Variants in DAPP1 observed in about 807,000 individuals in gnomAD.
DAPP1 encodes the protein dual adapter for phosphotyrosine and 3-phosphotyrosine and 3-phosphoinositide.
Under a neutral mutation model 41.5 loss-of-function variants are expected in DAPP1, and 20 were observed. That is an observed-to-expected ratio of 0.48 (90% CI 0.34 to 0.70). The LOEUF is 0.70. Among genes scored for constraint, DAPP1 ranks in the 30% least tolerant of loss-of-function variants. The pLI is 0.01. For synonymous variants in DAPP1, 113 were observed against 116.2 expected, an observed-to-expected ratio of 0.97 and a Z score of 0.18; for missense variants, 233 against 333.4, an observed-to-expected ratio of 0.70 and a Z score of 2.35.
At chr4:99,831,898 T>C (rs1202598583) in intron 1 of DAPP1, among the ~76,000 whole-genome samples, 2 of 152,194 alleles carry the variant, frequency 1.3e-5, no homozygotes, top group Non-Finnish European at 2.9e-5. Context: ...AACACATACT[T>C]TATCTTCTTT....
intron 1 of DAPP1, among the ~76,000 whole-genome samples, chr4:99,832,915 A>C (rs976986846): frequency 7.2e-5 from 11 of 152,262 alleles, no homozygotes; most frequent in African/African-American, 2.4e-4. Context: ...ATGTAAGAAG[A>C]ATTCTATAAA....
intron 7 of DAPP1, 92 bp downstream of exon 7, chr4:99,863,947 T>C: frequency 2.4e-6 from 2 of 846,746 alleles, no homozygotes; most frequent in Non-Finnish European, 1.9e-6. Flanking sequence ...TCTTAATGTC[T>C]ACAAAGATCA....
At chr4:99,825,377 C>G (rs1176584351) in intron 1 of DAPP1, among the ~76,000 whole-genome samples, 2 of 152,150 alleles carry the variant, frequency 1.3e-5, no homozygotes, top group African/African-American at 4.8e-5. Flanking sequence ...ACAGGTTCAT[C>G]CTGATCTCAA....
Position 99,835,632 on chromosome 4 carries a change from C to T in DAPP1, c.111C>T (p.His37=), listed in dbSNP as rs200535024. 170 of 1,613,094 alleles carry T rather than the reference C, an allele frequency of 1.1e-4. No individual in the cohort carries two copies. The highest frequency in any genetic ancestry group is 7.7e-5 in the South Asian group (7 of 91,042). The change falls in exon 2 of 9, where the codon CAC becomes CAT. Residue 37 remains histidine, a synonymous_variant. Transcript: ENST00000512369. The part of the protein sequence containing the change: ...AELLQDLGWY[H]GNLTRHAAEA... ...GTTCCCTCCTTTCTAGGTGGTATCA[C>T]GGCAACCTCACACGCCATGCTGCTG...
At chr4:99,868,019 A>G in intron 8 of DAPP1, 98 bp from the exon 9 acceptor site, 1 of 1,049,418 alleles carries the variant, frequency 9.5e-7, no homozygotes, top group Non-Finnish European at 1.5e-6. Flanking sequence ...GTTGTATGAC[A>G]TCCTTACTAA....
intron 1 of DAPP1, 48 bp downstream of exon 1, chr4:99,817,062 C>T (rs753892617): frequency 7.3e-7 from 1 of 1,372,078 alleles, no homozygotes; most frequent in Non-Finnish European, 1.0e-6. Flanking sequence ...TGGACATTGA[C>T]TCCGCACTCC....
intron 8 of DAPP1, chr4:99,866,676 A>C: frequency 1.3e-6 from 1 of 749,662 alleles, no homozygotes; most frequent in South Asian, 1.4e-5. Flanking sequence ...CTTGCAAGTT[A>C]GTGAGTTCTT....
At chr4:99,853,481 G>A (rs17029601) in intron 4 of DAPP1, 133 bp downstream of exon 4, 40,391 of 1,255,136 alleles carry the variant, frequency 0.032, 721 homozygotes, top group African/African-American at 0.057. Context: ...AGGAATGTGA[G>A]ATTTGAAGCC....
chr4:99,835,511 G>A (rs559601516), intron 1 of DAPP1, 112 bp from the exon 2 acceptor site: 1 of 1,473,244 alleles, frequency 6.8e-7, no homozygotes, highest in East Asian at 2.3e-5. Flanking sequence ...CTGGGTCTCT[G>A]GGCTACTTAT....
intron 8 of DAPP1, among the ~76,000 whole-genome samples, chr4:99,867,684 A>T (rs1445055159): frequency 6.6e-6 from 1 of 152,254 alleles, no homozygotes; most frequent in Non-Finnish European, 1.5e-5. Flanking sequence ...AAAATGTTAC[A>T]ATAATGTTCA....
At chr4:99,861,897 G>A (rs771069681) in intron 5 of DAPP1, among the ~76,000 whole-genome samples, 1 of 152,158 alleles carries the variant, frequency 6.6e-6, no homozygotes. Context: ...AATGATTGAG[G>A]ATGAAGATAG....
chr4:99,825,490 G>A (rs1722909025), intron 1 of DAPP1, among the ~76,000 whole-genome samples: 2 of 152,162 alleles, frequency 1.3e-5, no homozygotes, highest in Admixed American at 6.5e-5. Flanking sequence ...ACAGATCAAT[G>A]AGATATTTGC....
rs1032003658 is a variant in DAPP1 at position 99,835,564 on chromosome 4, T to C, written c.102-59T>C. On this transcript the variant is annotated intron_variant, in intron 1 of 8. Coordinates refer to ENST00000512369, the MANE Select transcript of DAPP1 (RefSeq NM_014395.3). Reference sequence around the variant, plus strand: ...GGTAATCTTTGCAAGGAAAAGCCAGTGCAGGGGGAGTCATGCCATGGTTTG... The same window carrying C: ...GGTAATCTTTGCAAGGAAAAGCCAGCGCAGGGGGAGTCATGCCATGGTTTG... The C allele has an allele frequency of 1.9e-5, 30 of 1,593,998 alleles. No homozygotes were observed. The African/African-American group carries it at 3.8e-4, about 20-fold the overall frequency.
intron 4 of DAPP1, among the ~76,000 whole-genome samples, chr4:99,853,890 G>A (rs754248008): frequency 6.6e-6 from 1 of 152,294 alleles, no homozygotes; most frequent in Non-Finnish European, 1.5e-5. Context: ...TTAAATCTCT[G>A]TCCTTAGTTA....
chr4:99,825,323 C>T lies in DAPP1; in HGVS notation c.101+8309C>T, dbSNP rs150156687. 2.2e-4 allele frequency among the ~76,000 whole-genome samples: 34 copies of T among 152,302 alleles called. No homozygotes were observed. The East Asian group carries it at 5.8e-3, about 26-fold the overall frequency. On this transcript the variant is annotated intron_variant, in intron 1 of 8. Coordinates refer to ENST00000512369, the MANE Select transcript of DAPP1 (RefSeq NM_014395.3). ...CCATGTCTGTCTGTCTCTGTGTTTTCGTCTTCCAGAGCTTCTTGCATCATT... is the reference window on the plus strand; with the variant it reads ...CCATGTCTGTCTGTCTCTGTGTTTTTGTCTTCCAGAGCTTCTTGCATCATT...
chr4:99,823,305 AAT>A (rs1432200530), intron 1 of DAPP1, among the ~76,000 whole-genome samples: 1 of 152,016 alleles, frequency 6.6e-6, no homozygotes, highest in Non-Finnish European at 1.5e-5. Flanking sequence ...ATTTATAATA[AAT>A]AGTTGAAAAT....
At chr4:99,823,530 T>C (rs1316822258) in intron 1 of DAPP1, among the ~76,000 whole-genome samples, 1 of 152,192 alleles carries the variant, frequency 6.6e-6, no homozygotes, top group Non-Finnish European at 1.5e-5. Context: ...TTGCTTTTGC[T>C]TTTTGGTAGG....
At chr4:99,839,994 G>C (rs1266781033) in intron 2 of DAPP1, among the ~76,000 whole-genome samples, 1 of 152,162 alleles carries the variant, frequency 6.6e-6, no homozygotes, top group Non-Finnish European at 1.5e-5. Flanking sequence ...TCCAGGAGGC[G>C]GAGGTTGCAG....
chr4:99,868,870 CA>C lies in DAPP1; in HGVS notation c.*687del, dbSNP rs1019913728. The stretch of plus-strand genomic sequence containing the variant: ...AGTATAATAAAGGTAAATGAAGGTA[CA>C]ATTTTTAAACCATTATTTTCACCCT... On this transcript the variant is annotated 3_prime_UTR_variant, in exon 9 of 9. Coordinates refer to ENST00000512369, the MANE Select transcript of DAPP1 (RefSeq NM_014395.3). The C allele has an allele frequency of 1.3e-5, 2 of 151,968 alleles. No homozygotes were observed. Among genetic ancestry groups the C allele is most frequent in the African/African-American group, 4.8e-5 (2 of 41,344 alleles). The allele number at this position is 151,968 out of a possible 1,614,324, so 9.4% of individuals were successfully genotyped here.
Sources: allele counts gnomAD v4.1 joint callset (sites outside exome capture counted in the v4.1 genomes callset), GRCh38; gene constraint gnomAD v4.1.1; transcripts MANE v1.5; gene names NCBI Gene and HGNC (gene_info 2026-07-23, HGNC 2026-07-21).